ADAMTS17: variants seen among roughly 807,000 people sequenced by gnomAD.
ADAMTS17 encodes A disintegrin and metalloproteinase with thrombospondin motifs 17.
A neutral mutation model predicts 141.5 loss-of-function variants in ADAMTS17; 113 were observed. That is an observed-to-expected ratio of 0.80 (90% CI 0.69 to 0.93). ADAMTS17 has a LOEUF of 0.93. Ranked by LOEUF, ADAMTS17 falls within the 40% of genes least tolerant of loss-of-function variation. The pLI, the probability that ADAMTS17 is intolerant of heterozygous loss-of-function variation, is 0.00. For synonymous variants in ADAMTS17, 768 were observed against 630.6 expected, an observed-to-expected ratio of 1.22 and a Z score of -3.27; for missense variants, 1,659 against 1,517.9, an observed-to-expected ratio of 1.09 and a Z score of -1.54.
intron 3 of ADAMTS17, among the ~76,000 whole-genome samples, chr15:100,324,231 G>A (rs1414096602): frequency 6.6e-6 from 1 of 151,956 alleles, no homozygotes; most frequent in African/African-American, 2.4e-5. Flanking sequence ...CTTGAACCCG[G>A]GAGACAGATT....
At chr15:100,336,521 T>G (rs929770156) in intron 2 of ADAMTS17, among the ~76,000 whole-genome samples, 1 of 152,230 alleles carries the variant, frequency 6.6e-6, no homozygotes, top group African/African-American at 2.4e-5. Flanking sequence ...ATATATGTGC[T>G]TTGTATTCTC....
intron 8 of ADAMTS17, among the ~76,000 whole-genome samples, chr15:100,173,830 C>G (rs2040243423): frequency 6.6e-6 from 1 of 152,164 alleles, no homozygotes; most frequent in Non-Finnish European, 1.5e-5. Context: ...CCAAGTAAAC[C>G]AGGCTCTTTG....
chr15:100,261,448 C>G, intron 6 of ADAMTS17, 31 bp downstream of exon 6: 4 of 1,613,454 alleles, frequency 2.5e-6, no homozygotes, highest in Non-Finnish European at 3.4e-6. Flanking sequence ...TTCCCTCTCA[C>G]ATGTCAGCTA....
At chr15:100,062,554 G>C (rs1011695820) in intron 15 of ADAMTS17, among the ~76,000 whole-genome samples, 1 of 152,150 alleles carries the variant, frequency 6.6e-6, no homozygotes, top group Admixed American at 6.5e-5. Context: ...CTCAAGCAGA[G>C]ACCATTTCAA....
intron 10 of ADAMTS17, among the ~76,000 whole-genome samples, chr15:100,148,052 C>G (rs1188608762): frequency 6.6e-6 from 1 of 152,232 alleles, no homozygotes; most frequent in Non-Finnish European, 1.5e-5. Context: ...ATTACTCACC[C>G]TGATCTCCTG....
chr15:100,263,832 A>T (rs778672864), intron 4 of ADAMTS17, among the ~76,000 whole-genome samples: 2 of 152,240 alleles, frequency 1.3e-5, no homozygotes, highest in African/African-American at 4.8e-5. Context: ...TTTCTCCAGC[A>T]GGTGCTGTGT....
intron 15 of ADAMTS17, among the ~76,000 whole-genome samples, chr15:100,092,783 A>G (rs1483305104): frequency 6.6e-6 from 1 of 152,198 alleles, no homozygotes; most frequent in East Asian, 1.9e-4. Context: ...GCAAGAACAC[A>G]AAGCAAAGGG....
intron 8 of ADAMTS17, among the ~76,000 whole-genome samples, chr15:100,163,033 T>C (rs1272313837): frequency 3.5e-5 from 5 of 143,430 alleles, no homozygotes; most frequent in Non-Finnish European, 7.5e-5. Context: ...TATGTATATA[T>C]ATGTGTATAT....
intron 6 of ADAMTS17, 116 bp from the exon 7 acceptor site, chr15:100,254,295 C>A: frequency 2.2e-6 from 2 of 917,998 alleles, no homozygotes; most frequent in Admixed American, 2.0e-5. Flanking sequence ...CCAGTGGACA[C>A]AGGCCACAGC....
chr15:100,105,469 G>T (rs1013440018), intron 14 of ADAMTS17, among the ~76,000 whole-genome samples: 2 of 152,150 alleles, frequency 1.3e-5, no homozygotes, highest in Non-Finnish European at 2.9e-5. Context: ...GGATGGAGTG[G>T]CATCTGGGAA....
chr15:100,152,827 C>CA, intron 9 of ADAMTS17, 65 bp from the exon 10 acceptor site: 1 of 1,423,326 alleles, frequency 7.0e-7, no homozygotes. Flanking sequence ...TTTTCTTTTT[C>CA]TTTTTTTTTT....
intron 15 of ADAMTS17, among the ~76,000 whole-genome samples, chr15:100,080,292 C>T (rs2034645679): frequency 6.6e-6 from 1 of 152,170 alleles, no homozygotes. Context: ...GCTCCTCCCA[C>T]CTTTAAGTCA....
At chr15:100,289,918 G>T (rs567933699) in intron 3 of ADAMTS17, among the ~76,000 whole-genome samples, 1 of 152,008 alleles carries the variant, frequency 6.6e-6, no homozygotes, top group Admixed American at 6.5e-5. Flanking sequence ...ATACTCAATG[G>T]GCAGAAGCTG....
At chr15:100,204,162 G>A (rs2141667398) in intron 7 of ADAMTS17, among the ~76,000 whole-genome samples, 1 of 152,150 alleles carries the variant, frequency 6.6e-6, no homozygotes, top group East Asian at 1.9e-4. Flanking sequence ...TTTATCTAGG[G>A]GCTGACCACT....
At chr15:99,992,662 C>T (rs2573606) in intron 20 of ADAMTS17, among the ~76,000 whole-genome samples, 11,364 of 152,130 alleles carry the variant, frequency 0.075, 1,259 homozygotes, top group African/African-American at 0.24. Context: ...CCAGGGGTCC[C>T]GGGAGTGAAT....
intron 3 of ADAMTS17, among the ~76,000 whole-genome samples, chr15:100,312,017 G>A (rs1295290004): frequency 6.6e-6 from 1 of 152,220 alleles, no homozygotes; most frequent in Non-Finnish European, 1.5e-5. Flanking sequence ...CCCTGAGGCT[G>A]CAGGAGGGAT....
chr15:100,133,193 C>T (rs1475002034), intron 11 of ADAMTS17, 21 bp downstream of exon 11: 2 of 1,564,688 alleles, frequency 1.3e-6, no homozygotes, highest in Non-Finnish European at 1.7e-6. Flanking sequence ...CTGTTGGGGG[C>T]AGTGGGAAGT....
chr15:100,123,553 C>T (rs911937663), intron 12 of ADAMTS17, among the ~76,000 whole-genome samples: 9 of 152,134 alleles, frequency 5.9e-5, no homozygotes, highest in Admixed American at 2.6e-4. Flanking sequence ...CCCTGAGGAC[C>T]GGGAAGAAAC....
chr15:100,087,175 C>T (rs2035161275), intron 15 of ADAMTS17, among the ~76,000 whole-genome samples: 1 of 152,204 alleles, frequency 6.6e-6, no homozygotes, highest in African/African-American at 2.4e-5. Flanking sequence ...ACTGATCCCA[C>T]AGAAATACAA....
Sources: allele counts gnomAD v4.1 joint callset (sites outside exome capture counted in the v4.1 genomes callset), GRCh38; gene constraint gnomAD v4.1.1; transcripts MANE v1.5; gene names NCBI Gene and HGNC (gene_info 2026-07-23, HGNC 2026-07-21).